The following KANK1 variants were observed in gnomAD, a reference collection of about 807,000 sequenced individuals.
The protein encoded by KANK1 is KN motif and ankyrin repeat domain-containing protein 1.
KANK1 carries 109 observed loss-of-function variants against 106.2 expected under a neutral mutation model. The observed-to-expected ratio is 1.03, with a 90% confidence interval of 0.88 to 1.20. The LOEUF (loss-of-function observed/expected upper bound fraction) is 1.20, where lower values mean the gene tolerates loss of function less well. KANK1 is among the 50% of genes most tolerant of loss of function. The pLI, the probability that KANK1 is intolerant of heterozygous loss-of-function variation, is 0.00. For missense variants in KANK1, 2,399 were observed against 1,710.7 expected (o/e 1.40, Z -7.10); for synonymous variants, 873 against 652.2 (o/e 1.34, Z -5.16).
intron 1 of KANK1, among the ~76,000 whole-genome samples, chr9:562,980 A>C (rs1159106683): frequency 6.6e-6 from 1 of 152,162 alleles, no homozygotes. Flanking sequence ...ACTGCTATTC[A>C]TTCTTACAAG....
chr9:694,137 A>C (rs942175850), intron 2 of KANK1, among the ~76,000 whole-genome samples: 1 of 152,172 alleles, frequency 6.6e-6, no homozygotes, highest in African/African-American at 2.4e-5. Context: ...GGAGTTGCTC[A>C]ATATTCATTA....
At chr9:485,059 G>C (rs1188026924) in intron 3 of KANK1, among the ~76,000 whole-genome samples, 1 of 152,206 alleles carries the variant, frequency 6.6e-6, no homozygotes, top group Non-Finnish European at 1.5e-5. Context: ...TTGGTTCTTG[G>C]GCTTTAAGAA....
rs770627297 is a variant in KANK1 at position 711,293 on chromosome 9, C to T, written c.527C>T (p.Pro176Leu). Residue 176 changes from proline to leucine, a missense_variant, in exon 3 of 12, where the codon CCG becomes CTG. Physicochemically the swap from Pro to Leu is moderately conservative, Grantham distance 98. Coordinates refer to ENST00000382297, the MANE Select transcript of KANK1 (RefSeq NM_015158.5). The part of the protein sequence containing the change: ...EQERATMQMT[P>L]GEFRRPRLAS... ...GAGAGAGCCACCATGCAGATGACACCGGGTGAGTTCAGAAGGCCCAGGCTG... is the reference window on the plus strand; with the variant it reads ...GAGAGAGCCACCATGCAGATGACACTGGGTGAGTTCAGAAGGCCCAGGCTG... The T allele has an allele frequency of 9.3e-6, 15 of 1,614,014 alleles. No homozygotes were observed. Among genetic ancestry groups the T allele is most frequent in the East Asian group, 4.5e-5 (2 of 44,890 alleles).
intron 1 of KANK1, among the ~76,000 whole-genome samples, chr9:665,872 C>A (rs922042246): frequency 1.3e-5 from 2 of 152,108 alleles, no homozygotes; most frequent in African/African-American, 4.8e-5. Flanking sequence ...AGATCTTTCA[C>A]AGCTTTGGTT....
intron 3 of KANK1, among the ~76,000 whole-genome samples, chr9:497,644 G>A (rs2058478328): frequency 6.6e-6 from 1 of 152,156 alleles, no homozygotes; most frequent in Non-Finnish European, 1.5e-5. Context: ...CTTGAGCTCA[G>A]GAGTTTGAGA....
chr9:558,049 G>A (rs1815328130), intron 1 of KANK1, among the ~76,000 whole-genome samples: 1 of 152,180 alleles, frequency 6.6e-6, no homozygotes, highest in Admixed American at 6.5e-5. Context: ...GGAATGTCAA[G>A]GAACCCAGGA....
At chr9:526,637 G>A (rs2059805194) in intron 1 of KANK1, among the ~76,000 whole-genome samples, 1 of 151,780 alleles carries the variant, frequency 6.6e-6, no homozygotes, top group Non-Finnish European at 1.5e-5. Context: ...AAGTCAAGTT[G>A]TTCTACAAAA....
chr9:676,525 C>A (rs930092017), intron 1 of KANK1, among the ~76,000 whole-genome samples: 2 of 152,076 alleles, frequency 1.3e-5, no homozygotes, highest in African/African-American at 2.4e-5. Context: ...ACTTTTTGAA[C>A]CAGAATTTGG....
intron 1 of KANK1, among the ~76,000 whole-genome samples, chr9:578,713 T>C (rs1051217112): frequency 1.3e-5 from 2 of 152,198 alleles, no homozygotes; most frequent in African/African-American, 4.8e-5. Context: ...AGTTGGACTC[T>C]TCTTTACCCT....
chr9:570,368 G>A (rs1338547490), intron 1 of KANK1, among the ~76,000 whole-genome samples: 1 of 152,200 alleles, frequency 6.6e-6, no homozygotes, highest in Non-Finnish European at 1.5e-5. Context: ...AGAGAGGTTT[G>A]CTGGCAGTTG....
At chr9:500,983 T>A (rs933061269), upstream of KANK1, among the ~76,000 whole-genome samples, 3 of 152,190 alleles carry the variant, frequency 2.0e-5, no homozygotes, top group African/African-American at 7.2e-5. Flanking sequence ...ACTGAATGAC[T>A]TTCTTCCTCC....
At chr9:650,037 A>G (rs190529725) in intron 1 of KANK1, among the ~76,000 whole-genome samples, 1 of 152,286 alleles carries the variant, frequency 6.6e-6, no homozygotes, top group African/African-American at 2.4e-5. Context: ...ACTGCTTGCA[A>G]TCCCCAATAT....
intron 1 of KANK1, among the ~76,000 whole-genome samples, chr9:529,874 G>A (rs1208010117): frequency 6.6e-6 from 1 of 152,206 alleles, no homozygotes; most frequent in African/African-American, 2.4e-5. Flanking sequence ...TTTCATGGAA[G>A]CTGTGCTAAC....
At chr9:598,749 G>A (rs980833216) in intron 1 of KANK1, among the ~76,000 whole-genome samples, 6 of 141,232 alleles carry the variant, frequency 4.2e-5, no homozygotes, top group African/African-American at 5.2e-5. Context: ...TCATGCCTCA[G>A]CCTCCTGAGT....
At chr9:725,678 C>A (rs1830469606) in intron 3 of KANK1, among the ~76,000 whole-genome samples, 1 of 152,140 alleles carries the variant, frequency 6.6e-6, no homozygotes, top group East Asian at 1.9e-4. Context: ...CATCCCAGAA[C>A]TGCAGAATGA....
At position 745,291 on chromosome 9, in the gene KANK1, G is replaced by C. The variant is rs935474235; in HGVS notation, c.*56G>C. The stretch of plus-strand genomic sequence containing the variant: ...CACTATTAAGCTGCTAATTGTTCCT[G>C]TTGGGGTGACAGATACTGAATGTAT... On this transcript the variant is annotated 3_prime_UTR_variant, in exon 12 of 12. Coordinates refer to ENST00000382297, the MANE Select transcript of KANK1 (RefSeq NM_015158.5). The C allele has an allele frequency of 6.2e-6, 10 of 1,604,570 alleles. No homozygotes were observed. Among genetic ancestry groups the C allele is most frequent in the Non-Finnish European group, 7.7e-6 (9 of 1,171,656 alleles).
intron 3 of KANK1, among the ~76,000 whole-genome samples, chr9:475,383 T>C (rs2058085528): frequency 6.6e-6 from 1 of 152,226 alleles, no homozygotes; most frequent in African/African-American, 2.4e-5. Flanking sequence ...TATGCCAACC[T>C]GTAAGACCGC....
At chr9:700,072 G>A (rs1453870469) in intron 2 of KANK1, among the ~76,000 whole-genome samples, 1 of 152,244 alleles carries the variant, frequency 6.6e-6, no homozygotes, top group Non-Finnish European at 1.5e-5. Context: ...TAAACTCTGT[G>A]AGGAGAAGCA....
At chr9:544,565 A>C (rs2060814086) in intron 1 of KANK1, among the ~76,000 whole-genome samples, 1 of 152,220 alleles carries the variant, frequency 6.6e-6, no homozygotes, top group Non-Finnish European at 1.5e-5. Flanking sequence ...GATGATGCAA[A>C]GTGAGGACGT....
Sources: allele counts gnomAD v4.1 joint callset (sites outside exome capture counted in the v4.1 genomes callset), GRCh38; gene constraint gnomAD v4.1.1; transcripts MANE v1.5; gene names NCBI Gene and HGNC (gene_info 2026-07-23, HGNC 2026-07-21).